Variants in PTPRQ observed in about 807,000 individuals in gnomAD.
PTPRQ encodes phosphatidylinositol phosphatase PTPRQ.
PTPRQ carries 199 observed loss-of-function variants against 246.0 expected under a neutral mutation model. That is an observed-to-expected ratio of 0.81 (90% CI 0.72 to 0.91). The LOEUF is 0.91. Ranked by LOEUF, PTPRQ falls within the 40% of genes least tolerant of loss-of-function variation. PTPRQ has a pLI of 0.00. For missense variants in PTPRQ, 2,624 were observed against 2,528.4 expected, an observed-to-expected ratio of 1.04 and a Z score of -0.81; for synonymous variants, 869 against 853.2, an observed-to-expected ratio of 1.02 and a Z score of -0.32.
At chr12:80,614,961 C>T (rs1898695155) in intron 29 of PTPRQ, among the ~76,000 whole-genome samples, 5 of 150,908 alleles carry the variant, frequency 3.3e-5, no homozygotes. Flanking sequence ...CTGCAATTTG[C>T]AGTATCCTTA....
chr12:80,607,663 C>T (rs1439661078), intron 27 of PTPRQ, among the ~76,000 whole-genome samples: 1 of 150,908 alleles, frequency 6.6e-6, no homozygotes, highest in Non-Finnish European at 1.5e-5. Flanking sequence ...AGGAAGAATA[C>T]ATAGCATTGC....
Position 80,598,333 on chromosome 12 carries a change from C to G in PTPRQ, c.4610-6726C>G, listed in dbSNP as rs187507695. Among the ~76,000 whole-genome samples, 8 of 152,052 alleles carry G rather than the reference C, an allele frequency of 5.3e-5. 2 individuals carry two copies. The highest frequency in any genetic ancestry group is 1.9e-4 in the African/African-American group (8 of 41,506). On this transcript the variant is annotated intron_variant, in intron 26 of 44. Transcript: ENST00000644991. The stretch of plus-strand genomic sequence containing the variant: ...TTTTGGTCAGCGAAATCACTGGGCT[C>G]TAGGAAAACATCCAAACTACAAAAG...
rs57633941 is a variant in PTPRQ, at chr12:80,632,526, A to G, written c.5786+235A>G. 0.066 allele frequency among the ~76,000 whole-genome samples: 10,034 copies of G among 152,298 alleles called. 412 individuals are homozygous for G. The highest frequency in any genetic ancestry group is 0.13 in the East Asian group (685 of 5,170). On this transcript the variant is annotated intron_variant, in intron 34 of 44. Coordinates refer to ENST00000644991, the MANE Select transcript of PTPRQ (RefSeq NM_001145026.2). Reference sequence around the variant, plus strand: ...AAATCCTGCCATTTGAACAGAAAACATTTAATGTAAAGAATTGTTAACTAG... The same window carrying G: ...AAATCCTGCCATTTGAACAGAAAACGTTTAATGTAAAGAATTGTTAACTAG...
chr12:80,453,154 G>T (rs1009682538), intron 3 of PTPRQ, among the ~76,000 whole-genome samples: 3 of 151,886 alleles, frequency 2.0e-5, no homozygotes, highest in East Asian at 1.9e-4. Context: ...CCAGTTGATC[G>T]CATCGGCTCC....
chr12:80,455,132 C>T (rs554207216), intron 3 of PTPRQ, among the ~76,000 whole-genome samples: 1 of 152,194 alleles, frequency 6.6e-6, no homozygotes, highest in South Asian at 2.1e-4. Context: ...GAGATCATGC[C>T]ATTGCACTCC....
At chr12:80,567,024 G>T (rs1216495278) in intron 25 of PTPRQ, among the ~76,000 whole-genome samples, 1 of 152,164 alleles carries the variant, frequency 6.6e-6, no homozygotes, top group Non-Finnish European at 1.5e-5. Flanking sequence ...TAAAAGTTGT[G>T]TGTGCACCTT....
At chr12:80,477,482 A>G (rs1391530561) in intron 8 of PTPRQ, among the ~76,000 whole-genome samples, 1 of 152,188 alleles carries the variant, frequency 6.6e-6, no homozygotes, top group African/African-American at 2.4e-5. Context: ...TTATTCTGTT[A>G]TTCTGCTCCT....
intron 14 of PTPRQ, among the ~76,000 whole-genome samples, chr12:80,498,429 C>T (rs753478653): frequency 9.2e-5 from 14 of 152,052 alleles, no homozygotes; most frequent in Admixed American, 2.0e-4. Flanking sequence ...CCAGGCCTTA[C>T]TGGGGATAAA....
intron 25 of PTPRQ, among the ~76,000 whole-genome samples, chr12:80,575,310 G>A (rs1209301324): frequency 6.6e-6 from 1 of 152,116 alleles, no homozygotes; most frequent in Non-Finnish European, 1.5e-5. Flanking sequence ...TTTGATCCAA[G>A]TGTGGTGGCT....
At chr12:80,581,976 G>A (rs1897453801) in intron 25 of PTPRQ, among the ~76,000 whole-genome samples, 1 of 152,096 alleles carries the variant, frequency 6.6e-6, no homozygotes, top group Non-Finnish European at 1.5e-5. Context: ...AAACCTTTCT[G>A]GAGTGTGATT....
intron 14 of PTPRQ, among the ~76,000 whole-genome samples, chr12:80,500,825 C>A (rs2120675889): frequency 6.6e-6 from 1 of 151,998 alleles, no homozygotes; most frequent in South Asian, 2.1e-4. Context: ...ACTAGACAAT[C>A]AGAAAATTAG....
chr12:80,505,130 T>C (rs1325434344), intron 14 of PTPRQ, among the ~76,000 whole-genome samples: 1 of 151,914 alleles, frequency 6.6e-6, no homozygotes, highest in Non-Finnish European at 1.5e-5. Context: ...AGTCTTTCTC[T>C]GACACACTAC....
intron 24 of PTPRQ, among the ~76,000 whole-genome samples, chr12:80,548,295 GAT>G (rs1896368564): frequency 6.6e-6 from 1 of 151,898 alleles, no homozygotes; most frequent in Non-Finnish European, 1.5e-5. Context: ...ACAAAATCTG[GAT>G]TTAGAAACTA....
intron 8 of PTPRQ, among the ~76,000 whole-genome samples, chr12:80,484,208 T>A (rs1894191332): frequency 6.6e-6 from 1 of 152,066 alleles, no homozygotes; most frequent in Non-Finnish European, 1.5e-5. Flanking sequence ...GGTTTCACCA[T>A]GTTGGTCAGG....
At chr12:80,457,488 GGA>G in intron 3 of PTPRQ, 85 bp from the exon 4 acceptor site, 1 of 398,990 alleles carries the variant, frequency 2.5e-6, no homozygotes, top group Non-Finnish European at 4.4e-6. Context: ...TTTATCTTAT[GGA>G]TAAGTCAAAG....
intron 22 of PTPRQ, 29 bp from the exon 23 acceptor site, chr12:80,542,701 T>C (rs1220707068): frequency 1.2e-5 from 18 of 1,523,372 alleles, no homozygotes; most frequent in South Asian, 6.5e-5. Flanking sequence ...GTTTTATGAA[T>C]GTAAGTTTCT....
intron 43 of PTPRQ, among the ~76,000 whole-genome samples, chr12:80,673,838 A>T (rs1217147780): frequency 6.6e-6 from 1 of 152,170 alleles, no homozygotes; most frequent in Non-Finnish European, 1.5e-5. Flanking sequence ...TATTTACAAA[A>T]TATATACAAT....
chr12:80,450,380 G>A (rs1211206846), intron 3 of PTPRQ, among the ~76,000 whole-genome samples: 3 of 152,100 alleles, frequency 2.0e-5, no homozygotes, highest in Non-Finnish European at 4.4e-5. Context: ...TCCTTCTCCT[G>A]GCTAATTGCC....
At position 80,478,119 on chromosome 12, in the gene PTPRQ, T is replaced by C. The variant is rs577402817; in HGVS notation, c.1186+5868T>C. Among the ~76,000 whole-genome samples the C allele has an allele frequency of 1.4e-3, 205 of 151,260 alleles. 1 individual carries two copies. Among genetic ancestry groups the C allele is most frequent in the African/African-American group, 4.7e-3 (191 of 40,792 alleles). On this transcript the variant is annotated intron_variant, in intron 8 of 44. Coordinates refer to ENST00000644991, the MANE Select transcript of PTPRQ (RefSeq NM_001145026.2). Reference sequence around the variant, plus strand: ...AAGACAGCAGTAACCTCTGCAGACTTAAATGTCCCTGTCTGACAGCTTTGA... The same window carrying C: ...AAGACAGCAGTAACCTCTGCAGACTCAAATGTCCCTGTCTGACAGCTTTGA...
Sources: allele counts gnomAD v4.1 joint callset (sites outside exome capture counted in the v4.1 genomes callset), GRCh38; gene constraint gnomAD v4.1.1; transcripts MANE v1.5; gene names NCBI Gene and HGNC (gene_info 2026-07-23, HGNC 2026-07-21).